Variants in PCLO observed in about 807,000 individuals in gnomAD.
PCLO encodes the protein protein piccolo.
PCLO carries 82 observed loss-of-function variants against 427.5 expected under a neutral mutation model. That is an observed-to-expected ratio of 0.19 (90% confidence interval 0.16 to 0.23). The LOEUF is 0.23. PCLO is among the 10% of genes least tolerant of loss of function. The pLI is 1.00. For synonymous variants in PCLO, 2,357 were observed against 2,155.4 expected (o/e 1.09, Z -2.59); for missense variants, 6,239 against 6,115.9 (o/e 1.02, Z -0.67).
At chr7:82,868,327 A>C in intron 10 of PCLO, 1 of 378,420 alleles carries the variant, frequency 2.6e-6, no homozygotes, top group South Asian at 1.9e-5. Flanking sequence ...TCTACCAAAG[A>C]CTTTTTCATG....
Position 82,916,765 on chromosome 7 carries a change from T to C in PCLO, c.11221A>G (p.Ser3741Gly), listed in dbSNP as rs751099661. ...EISTGTQSTF[S>G]TMGTVSRRRI... The stretch of plus-strand genomic sequence containing the variant: ...CTCCTGGAAACTGTGCCCATTGTGC[T>C]GAATGTGGATTGAGTTCCTGTGGAA... Residue 3741 changes from serine to glycine, a missense_variant, in exon 7 of 25, where the codon AGC becomes GGC. Physicochemically the swap from Ser to Gly is moderately conservative, Grantham distance 56. Transcript: ENST00000333891. 15 of 1,613,694 alleles carry C rather than the reference T, an allele frequency of 9.3e-6. No individual in the cohort carries two copies. The African/African-American group carries it at 1.9e-4, about 20-fold the overall frequency.
chr7:82,793,323 C>T (rs770580198), intron 22 of PCLO, among the ~76,000 whole-genome samples: 6 of 151,986 alleles, frequency 3.9e-5, no homozygotes, highest in Non-Finnish European at 7.4e-5. Flanking sequence ...TGTGTGTGGC[C>T]GACGCTCAGG....
chr7:83,057,910 A>C (rs879813218), intron 3 of PCLO, among the ~76,000 whole-genome samples: 3 of 152,188 alleles, frequency 2.0e-5, no homozygotes, highest in Admixed American at 6.5e-5. Flanking sequence ...GGTTCCTAAT[A>C]ACAATATATA....
At chr7:82,931,215 G>A (rs535822711) in intron 6 of PCLO, among the ~76,000 whole-genome samples, 1 of 152,062 alleles carries the variant, frequency 6.6e-6, no homozygotes, top group East Asian at 1.9e-4. Flanking sequence ...GTAAATTTAG[G>A]CAGAGCAAAA....
chr7:82,993,411 G>C (rs190865520), intron 3 of PCLO, among the ~76,000 whole-genome samples: 5 of 152,124 alleles, frequency 3.3e-5, no homozygotes, highest in Admixed American at 3.3e-4. Flanking sequence ...ATATGGAATA[G>C]AGTAAGGCTT....
intron 3 of PCLO, among the ~76,000 whole-genome samples, chr7:82,986,791 A>G (rs1381488009): frequency 1.3e-5 from 2 of 151,968 alleles, no homozygotes; most frequent in Non-Finnish European, 2.9e-5. Flanking sequence ...CACAGAATTT[A>G]GGGAATGATA....
chr7:82,835,941 G>A (rs1038176128), intron 15 of PCLO, among the ~76,000 whole-genome samples: 5 of 152,044 alleles, frequency 3.3e-5, no homozygotes, highest in Non-Finnish European at 5.9e-5. Context: ...GAAAGACCCA[G>A]GAATTGAATA....
intron 3 of PCLO, among the ~76,000 whole-genome samples, chr7:83,031,769 G>T (rs930324452): frequency 8.8e-6 from 1 of 114,010 alleles, no homozygotes; most frequent in Non-Finnish European, 1.8e-5. Context: ...ACACACACAC[G>T]CTCACACACA....
chr7:82,775,982 A>G (rs1239589016), intron 22 of PCLO, among the ~76,000 whole-genome samples: 1 of 152,198 alleles, frequency 6.6e-6, no homozygotes. Flanking sequence ...TATTATGAAT[A>G]ATATCATTAT....
At chr7:82,871,908 G>GA (rs982735050) in intron 10 of PCLO, among the ~76,000 whole-genome samples, 32 of 148,672 alleles carry the variant, frequency 2.2e-4, no homozygotes, top group African/African-American at 5.4e-4. Context: ...TATTCAGAAG[G>GA]AAAAAAAAAC....
chr7:82,776,260 C>G (rs78101798), intron 22 of PCLO, among the ~76,000 whole-genome samples: 2,482 of 152,174 alleles, frequency 0.016, 85 homozygotes, highest in African/African-American at 0.057. Context: ...AGGGCATGAG[C>G]CAAAATCTAT....
intron 16 of PCLO, among the ~76,000 whole-genome samples, chr7:82,833,178 C>T (rs1288273474): frequency 5.3e-5 from 8 of 152,110 alleles, no homozygotes; most frequent in Admixed American, 5.2e-4. Flanking sequence ...ACCTGCTTTC[C>T]ACAGGTCCCA....
rs116278755 is a variant in PCLO at position 82,877,091 on chromosome 7, C to A, written c.13654+2246G>T. On this transcript the variant is annotated intron_variant, in intron 10 of 24. Transcript: ENST00000333891. ...CTTAGAGCTTGTAAAATCACAAATA[C>A]AATTTTAGATTTACTTTTGTTTTCT... Among the ~76,000 whole-genome samples the A allele has an allele frequency of 8.1e-3, 1,237 of 152,140 alleles. 21 individuals carry two copies. The highest frequency in any genetic ancestry group is 0.027 in the African/African-American group (1,120 of 41,514).
chr7:82,929,858 A>C (rs1001414063), intron 6 of PCLO, among the ~76,000 whole-genome samples: 1 of 152,134 alleles, frequency 6.6e-6, no homozygotes, highest in Non-Finnish European at 1.5e-5. Context: ...GTGAATTCTA[A>C]TTGTTTGTCC....
At chr7:82,797,756 A>G (rs1298988306) in intron 22 of PCLO, among the ~76,000 whole-genome samples, 2 of 152,124 alleles carry the variant, frequency 1.3e-5, no homozygotes, top group African/African-American at 4.8e-5. Context: ...TTATACTACA[A>G]CTTAGGTTGA....
intron 6 of PCLO, among the ~76,000 whole-genome samples, chr7:82,936,371 G>A (rs1038069167): frequency 6.6e-6 from 1 of 151,584 alleles, no homozygotes; most frequent in African/African-American, 2.4e-5. Flanking sequence ...AAAAGACTTA[G>A]TCACTTCACA....
intron 3 of PCLO, among the ~76,000 whole-genome samples, chr7:83,022,195 G>T (rs1252335715): frequency 6.6e-6 from 1 of 152,080 alleles, no homozygotes; most frequent in Non-Finnish European, 1.5e-5. Flanking sequence ...CACATAGAAG[G>T]TGCTGTCTAT....
At chr7:82,879,268 A>G in intron 10 of PCLO, 69 bp downstream of exon 10, 2 of 1,317,422 alleles carry the variant, frequency 1.5e-6, no homozygotes, top group African/African-American at 1.5e-5. Flanking sequence ...GAACATTTGC[A>G]TATTAAATTA....
intron 22 of PCLO, among the ~76,000 whole-genome samples, chr7:82,776,274 A>G (rs761944035): frequency 3.9e-5 from 6 of 152,198 alleles, no homozygotes; most frequent in Non-Finnish European, 8.8e-5. Flanking sequence ...AATCTATCCA[A>G]TACGCAAAAT....
Sources: allele counts gnomAD v4.1 joint callset (sites outside exome capture counted in the v4.1 genomes callset), GRCh38; gene constraint gnomAD v4.1.1; transcripts MANE v1.5; gene names NCBI Gene and HGNC (gene_info 2026-07-23, HGNC 2026-07-21).